The following SNX29 variants were observed in gnomAD, a reference collection of about 807,000 sequenced individuals.
The protein encoded by SNX29 is sorting nexin 29, also known as sorting nexin-29.
In SNX29, 78 loss-of-function variants were observed where a neutral mutation model predicts 102.1. That is an observed-to-expected ratio of 0.76 (90% CI 0.64 to 0.92). The LOEUF (loss-of-function observed/expected upper bound fraction) is 0.92, where lower values mean the gene tolerates loss of function less well. Ranked by LOEUF, SNX29 falls within the 40% of genes least tolerant of loss-of-function variation. The pLI is 0.00. For synonymous variants in SNX29, 580 were observed against 414.5 expected (o/e 1.40, Z -4.85); for missense variants, 1,280 against 1,061.7 (o/e 1.21, Z -2.86).
intron 14 of SNX29, among the ~76,000 whole-genome samples, chr16:12,231,444 T>A (rs571504576): frequency 6.6e-6 from 1 of 152,232 alleles, no homozygotes; most frequent in African/African-American, 2.4e-5. Context: ...TTATGTTGAC[T>A]GCATTGCTGT....
At chr16:12,436,796 G>A (rs2085560315) in intron 18 of SNX29, among the ~76,000 whole-genome samples, 1 of 152,264 alleles carries the variant, frequency 6.6e-6, no homozygotes. Flanking sequence ...TGGGATTACA[G>A]GTGCCTGCCA....
chr16:12,327,559 G>T (rs748058432), intron 15 of SNX29, among the ~76,000 whole-genome samples: 1 of 152,080 alleles, frequency 6.6e-6, no homozygotes, highest in Non-Finnish European at 1.5e-5. Flanking sequence ...TTGGGTTAGG[G>T]CCCACCTTAA....
At chr16:12,237,028 A>G (rs927064440) in intron 14 of SNX29, among the ~76,000 whole-genome samples, 2 of 152,186 alleles carry the variant, frequency 1.3e-5, no homozygotes, top group Non-Finnish European at 2.9e-5. Flanking sequence ...TGGCTGGGTC[A>G]TTCTTATAGA....
At chr16:12,563,253 G>T (rs74431017) in intron 20 of SNX29, among the ~76,000 whole-genome samples, 16 of 152,096 alleles carry the variant, frequency 1.1e-4, no homozygotes, top group East Asian at 7.8e-4. Flanking sequence ...CACTGACCCC[G>T]CCCAGGTAGC....
rs2077994310 is a variant in SNX29 at position 12,551,807 on chromosome 16, G to C, written c.2319-16699G>C. Among the ~76,000 whole-genome samples the C allele has an allele frequency of 1.3e-5, 2 of 152,192 alleles. 1 individual carries two copies. Among genetic ancestry groups the C allele is most frequent in the South Asian group, 4.1e-4 (2 of 4,826 alleles). Reference sequence around the variant, plus strand: ...AGAAGCACATGGGCATCAAACTTCTGTATCCCCGCCTCAGTTTTGTCACTT... The same window carrying C: ...AGAAGCACATGGGCATCAAACTTCTCTATCCCCGCCTCAGTTTTGTCACTT... On this transcript the variant is annotated intron_variant, in intron 20 of 20. Transcript: ENST00000566228.
chr16:12,559,960 C>G (rs1022817782), intron 20 of SNX29, among the ~76,000 whole-genome samples: 1 of 152,136 alleles, frequency 6.6e-6, no homozygotes, highest in Non-Finnish European at 1.5e-5. Context: ...GCCTGGGCAA[C>G]AGAGCAAGAC....
intron 15 of SNX29, among the ~76,000 whole-genome samples, chr16:12,287,150 G>C (rs1448323090): frequency 6.6e-6 from 1 of 152,158 alleles, no homozygotes; most frequent in Non-Finnish European, 1.5e-5. Flanking sequence ...TTGGCTCTCT[G>C]CCTTGACTTC....
At chr16:12,380,501 TCCACCTAC>T (rs2083046646) in intron 16 of SNX29, among the ~76,000 whole-genome samples, 1 of 35,934 alleles carries the variant, frequency 2.8e-5, no homozygotes, top group Admixed American at 3.0e-4. Context: ...CATCCACCTA[TCCACCTAC>T]CCACCCCTCA....
At chr16:12,126,877 C>T (rs1467329359) in intron 12 of SNX29, among the ~76,000 whole-genome samples, 181 bp downstream of exon 12, 2 of 152,090 alleles carry the variant, frequency 1.3e-5, no homozygotes, top group Non-Finnish European at 2.9e-5. Flanking sequence ...TCTCTTTTGC[C>T]TGATATGTAA....
At chr16:12,554,052 C>G (rs959080397) in intron 20 of SNX29, among the ~76,000 whole-genome samples, 1 of 152,190 alleles carries the variant, frequency 6.6e-6, no homozygotes, top group Non-Finnish European at 1.5e-5. Flanking sequence ...TCTGTAAATC[C>G]TGACCTCAAA....
rs1242117861 is a variant in SNX29 at position 12,572,807 on chromosome 16, C to A, written c.*4178C>A. 1 of 1,063,782 alleles carries A rather than the reference C, an allele frequency of 9.4e-7. No individual in the cohort carries two copies. Among genetic ancestry groups the A allele is most frequent in the African/African-American group, 1.6e-5 (1 of 60,988 alleles). The allele number at this position is 1,063,782 out of a possible 1,614,324, so 65.9% of individuals were successfully genotyped here. A position where few individuals can be genotyped will look rare whatever the true frequency, so the allele number is the denominator to read the frequency against. Reference sequence around the variant, plus strand: ...ACTCCTCCTTCCCCAGTACATCAGACTGGTTAGGAGGCATCCCAGAAGGGG... The same window carrying A: ...ACTCCTCCTTCCCCAGTACATCAGAATGGTTAGGAGGCATCCCAGAAGGGG... On this transcript the variant is annotated 3_prime_UTR_variant, in exon 21 of 21. Transcript: ENST00000566228.
At chr16:12,088,536 G>A (rs985806948) in intron 11 of SNX29, among the ~76,000 whole-genome samples, 1 of 152,200 alleles carries the variant, frequency 6.6e-6, no homozygotes, top group African/African-American at 2.4e-5. Context: ...AAATGGCAGA[G>A]GAATGGCGTT....
chr16:12,009,578 T>C lies in SNX29; in HGVS notation c.122+6535T>C, dbSNP rs562497567. Reference sequence around the variant, plus strand: ...AAAACAGTATTGACATTAGGGGAAATGCAGGCGAGACTTGTTTTTTCCTTC... The same window carrying C: ...AAAACAGTATTGACATTAGGGGAAACGCAGGCGAGACTTGTTTTTTCCTTC... On this transcript the variant is annotated intron_variant, in intron 3 of 20. Coordinates refer to ENST00000566228, the MANE Select transcript of SNX29 (RefSeq NM_032167.5). Among the ~76,000 whole-genome samples, 27 of 152,054 alleles carry C rather than the reference T, an allele frequency of 1.8e-4. No individual in the cohort carries two copies. The East Asian group carries it at 4.3e-3, about 24-fold the overall frequency.
intron 15 of SNX29, among the ~76,000 whole-genome samples, chr16:12,348,720 A>C (rs1239557071): frequency 2.0e-5 from 3 of 152,134 alleles, no homozygotes; most frequent in Non-Finnish European, 2.9e-5. Flanking sequence ...GGCCACAAAC[A>C]CAGGCTGGGG....
intron 19 of SNX29, among the ~76,000 whole-genome samples, chr16:12,520,752 A>G (rs961453734): frequency 1.4e-5 from 2 of 142,700 alleles, no homozygotes; most frequent in Non-Finnish European, 3.0e-5. Flanking sequence ...AGCTATGGGC[A>G]TGCAAATACA....
intron 18 of SNX29, among the ~76,000 whole-genome samples, chr16:12,417,583 CTCATTCCTTTTCCCTATTCCTCA>C (rs1567542351): frequency 1.3e-5 from 2 of 152,046 alleles, no homozygotes; most frequent in Non-Finnish European, 2.9e-5. Flanking sequence ...CCTCCTCCTT[CTCATTCCTTTTCCCTATTCCTCA>C]TCATTCCTTT....
chr16:12,537,057 T>G (rs1360864923), intron 20 of SNX29, among the ~76,000 whole-genome samples: 1 of 152,122 alleles, frequency 6.6e-6, no homozygotes, highest in East Asian at 1.9e-4. Context: ...CTGAGCATAT[T>G]TAGGAGACGA....
At chr16:12,539,447 G>C (rs950456458) in intron 20 of SNX29, among the ~76,000 whole-genome samples, 1 of 152,176 alleles carries the variant, frequency 6.6e-6, no homozygotes, top group Non-Finnish European at 1.5e-5. Context: ...TTACTGAGCA[G>C]AGTTTGGTTA....
chr16:12,026,481 A>G (rs1446784235), intron 3 of SNX29, among the ~76,000 whole-genome samples: 1 of 152,230 alleles, frequency 6.6e-6, no homozygotes, highest in Non-Finnish European at 1.5e-5. Flanking sequence ...ATGAATGGAA[A>G]GGGCTCAGAA....
Sources: gnomAD v4.1 joint callset for allele counts (sites outside exome capture counted in the v4.1 genomes callset) on GRCh38, gnomAD v4.1.1 for gene constraint, MANE v1.5 for transcripts, NCBI Gene and HGNC (gene_info 2026-07-23, HGNC 2026-07-21) for gene names.